ACTR3C: variants seen among roughly 807,000 people sequenced by gnomAD.
ACTR3C encodes the protein actin related protein 3C, also known as actin-related protein 3C.
ACTR3C carries 18 observed loss-of-function variants against 26.3 expected under a neutral mutation model. The ratio of observed to expected loss-of-function variants is 0.68; its 90% CI spans 0.47 to 1.01. The LOEUF is 1.01. Ranked by LOEUF, ACTR3C falls within the 50% of genes least tolerant of loss-of-function variation. The probability of loss-of-function intolerance (pLI) is 0.00; values close to 1 mark genes in which losing one functional copy is unlikely to be tolerated. For missense variants in ACTR3C, 184 were observed against 250.7 expected (o/e 0.73, Z 1.80); for synonymous variants, 55 against 94.5 (o/e 0.58, Z 2.42).
the ACTR3C span, among the ~76,000 whole-genome samples, chr7:150,221,334 T>G: frequency 6.6e-6 from 1 of 152,174 alleles, no homozygotes; most frequent in Non-Finnish European, 1.5e-5. Context: ...GAAGTCATGA[T>G]CTAATTAGTC....
chr7:150,009,676 T>C, the ACTR3C span, among the ~76,000 whole-genome samples: 1 of 152,094 alleles, frequency 6.6e-6, no homozygotes, highest in Non-Finnish European at 1.5e-5. Context: ...CCTTTTAAAC[T>C]AAGAGCCTTC....
At chr7:150,167,818 T>C in the ACTR3C span, among the ~76,000 whole-genome samples, 1 of 150,470 alleles carries the variant, frequency 6.6e-6, no homozygotes, top group Admixed American at 6.6e-5. Context: ...CAATAAATGC[T>C]CCCTCAAGGA....
At chr7:150,172,757 C>A in the ACTR3C span, among the ~76,000 whole-genome samples, 3 of 150,672 alleles carry the variant, frequency 2.0e-5, 1 homozygote, top group African/African-American at 7.5e-5. Flanking sequence ...TTCCTAGATA[C>A]AATGGAGGTA....
the ACTR3C span, among the ~76,000 whole-genome samples, chr7:149,975,003 C>T: frequency 5.3e-5 from 8 of 152,198 alleles, no homozygotes; most frequent in East Asian, 3.9e-4. Context: ...ATTGTGGACA[C>T]GACACTGGCA....
At chr7:150,286,665 T>C (rs1401507979) in intron 4 of ACTR3C, 125 bp from the exon 5 acceptor site, 2 of 1,286,044 alleles carry the variant, frequency 1.6e-6, no homozygotes, top group Non-Finnish European at 2.1e-6. Context: ...CCACCGTTAC[T>C]CTAGTGTGGA....
chr7:149,964,660 A>G, the ACTR3C span, among the ~76,000 whole-genome samples: 3 of 152,208 alleles, frequency 2.0e-5, no homozygotes, highest in Non-Finnish European at 4.4e-5. Context: ...TCCTTTTAAG[A>G]CTTCGAAAAC....
At chr7:150,169,977 C>T in the ACTR3C span, among the ~76,000 whole-genome samples, 1 of 149,662 alleles carries the variant, frequency 6.7e-6, no homozygotes, top group Admixed American at 6.6e-5. Context: ...ACAAATTACC[C>T]CCAAATTCAG....
the ACTR3C span, among the ~76,000 whole-genome samples, chr7:149,992,899 A>C: frequency 6.6e-6 from 1 of 152,166 alleles, no homozygotes; most frequent in South Asian, 2.1e-4. Context: ...GGAAGCTGAC[A>C]ATGCAGCCTT....
chr7:150,206,117 C>G, the ACTR3C span, among the ~76,000 whole-genome samples: 8 of 152,310 alleles, frequency 5.3e-5, no homozygotes, highest in South Asian at 1.7e-3. Flanking sequence ...TTCAGGGCCT[C>G]ATGATTTCTG....
chr7:150,033,769 C>G, the ACTR3C span, among the ~76,000 whole-genome samples: 1 of 150,206 alleles, frequency 6.7e-6, no homozygotes, highest in Non-Finnish European at 1.5e-5. Context: ...GGTGCTTCCA[C>G]CTCCTGCGAT....
intron 6 of ACTR3C, among the ~76,000 whole-genome samples, chr7:150,258,204 CA>C (rs1171014586): frequency 2.0e-5 from 3 of 149,328 alleles, no homozygotes; most frequent in Non-Finnish European, 4.5e-5. Flanking sequence ...AGACCTCAGC[CA>C]AATTTTCAAA....
the ACTR3C span, among the ~76,000 whole-genome samples, chr7:150,089,406 G>A: frequency 6.6e-6 from 1 of 152,322 alleles, no homozygotes; most frequent in Non-Finnish European, 1.5e-5. Flanking sequence ...AAGTAGGACA[G>A]TCATCTGTCC....
the ACTR3C span, among the ~76,000 whole-genome samples, chr7:149,884,677 C>T: frequency 1.3e-5 from 2 of 152,192 alleles, no homozygotes; most frequent in Admixed American, 6.5e-5. Flanking sequence ...ACAAGAGAAC[C>T]TCCAGGGATG....
the ACTR3C span, among the ~76,000 whole-genome samples, chr7:150,053,858 G>C: frequency 6.6e-6 from 1 of 152,208 alleles, no homozygotes; most frequent in Non-Finnish European, 1.5e-5. Context: ...TTTCTAAAAT[G>C]TGCATCTGGA....
At chr7:149,997,733 A>G in the ACTR3C span, among the ~76,000 whole-genome samples, 1 of 150,012 alleles carries the variant, frequency 6.7e-6, no homozygotes, top group Non-Finnish European at 1.5e-5. Flanking sequence ...TCTCTGCAAA[A>G]TATGTGCCTA....
the ACTR3C span, among the ~76,000 whole-genome samples, chr7:150,023,635 A>C: frequency 2.0e-5 from 3 of 151,392 alleles, no homozygotes; most frequent in Admixed American, 2.0e-4. Flanking sequence ...CCAAGGATGT[A>C]AAACTAATGG....
chr7:150,239,538 C>CTATATATATATA (rs1421039729), downstream of ACTR3C, among the ~76,000 whole-genome samples: 3 of 104,260 alleles, frequency 2.9e-5, no homozygotes, highest in African/African-American at 4.7e-5. Flanking sequence ...CTCTCTCTCT[C>CTATATATATATA]TCTATATATA....
chr7:150,228,199 T>G, the ACTR3C span, among the ~76,000 whole-genome samples: 1 of 152,236 alleles, frequency 6.6e-6, no homozygotes, highest in Non-Finnish European at 1.5e-5. Context: ...TTTATAGTTT[T>G]CTGCACATAG....
chr7:150,005,640 G>A, the ACTR3C span, among the ~76,000 whole-genome samples: 1 of 152,092 alleles, frequency 6.6e-6, no homozygotes, highest in Non-Finnish European at 1.5e-5. Flanking sequence ...GGAAGGCAGG[G>A]CAGGGGGCCC....
Sources: gnomAD v4.1 joint callset for allele counts (sites outside exome capture counted in the v4.1 genomes callset) on GRCh38, gnomAD v4.1.1 for gene constraint, MANE v1.5 for transcripts, NCBI Gene and HGNC (gene_info 2026-07-23, HGNC 2026-07-21) for gene names.